The following FRMD3 variants were observed in gnomAD, a reference collection of about 807,000 sequenced individuals.
FRMD3 encodes FERM domain-containing protein 3.
FRMD3 carries 33 observed loss-of-function variants against 70.2 expected under a neutral mutation model. The observed-to-expected ratio is 0.47, with a 90% confidence interval of 0.36 to 0.63. The LOEUF is 0.63. Among genes scored for constraint, FRMD3 ranks in the 20% least tolerant of loss-of-function variants. FRMD3 has a pLI of 0.00. For synonymous variants in FRMD3, 279 were observed against 255.9 expected, an observed-to-expected ratio of 1.09 and a Z score of -0.86; for missense variants, 632 against 711.4, an observed-to-expected ratio of 0.89 and a Z score of 1.27.
At chr9:83,403,975 G>A (rs1826026384) in intron 1 of FRMD3, among the ~76,000 whole-genome samples, 2 of 152,124 alleles carry the variant, frequency 1.3e-5, no homozygotes, top group African/African-American at 4.8e-5. Flanking sequence ...AAGGTTCCCA[G>A]TAGTCAGGCA....
Position 83,427,386 on chromosome 9 carries a change from T to C in FRMD3, c.148-37678A>G, listed in dbSNP as rs138245722. On this transcript the variant is annotated intron_variant, in intron 1 of 13. Coordinates refer to ENST00000304195, the MANE Select transcript of FRMD3 (RefSeq NM_174938.6). ...CTCCATGTGCTCTTTATAGAGGTTG[T>C]TCAGGTCACACATCCCTTAGGGGAC... Among the ~76,000 whole-genome samples the C allele has an allele frequency of 5.2e-3, 793 of 152,332 alleles. 8 individuals are homozygous for C. Among genetic ancestry groups the C allele is most frequent in the South Asian group, 0.028 (133 of 4,832 alleles).
Position 83,500,502 on chromosome 9 carries a change from G to GCGCACACACA in FRMD3, c.147+37582_147+37583insTGTGTGTGCG, listed in dbSNP as rs1367435493. ...CATAGAGTGCTTGGCGTGTATGCGC[G>GCGCACACACA]CACACACACACACACACACACACAC... is the stretch of plus-strand genomic sequence containing the variant. On this transcript the variant is annotated intron_variant, in intron 1 of 13. Coordinates refer to ENST00000304195, the MANE Select transcript of FRMD3 (RefSeq NM_174938.6). Among the ~76,000 whole-genome samples the GCGCACACACA allele has an allele frequency of 1.2e-3, 171 of 143,812 alleles. 2 individuals carry two copies. The highest frequency in any genetic ancestry group is 4.3e-3 in the African/African-American group (167 of 39,110). The allele number at this position is 143,812 out of a possible 152,430, so 94.3% of individuals were successfully genotyped here.
chr9:83,335,192 T>C (rs1823535667), intron 6 of FRMD3, among the ~76,000 whole-genome samples: 1 of 152,160 alleles, frequency 6.6e-6, no homozygotes, highest in Admixed American at 6.5e-5. Flanking sequence ...AAAATTCAAA[T>C]CAGAAAGGTT....
intron 1 of FRMD3, among the ~76,000 whole-genome samples, chr9:83,519,890 C>T (rs112703305): frequency 4.0e-4 from 61 of 151,930 alleles, no homozygotes; most frequent in Admixed American, 2.3e-3. Flanking sequence ...AATTAACACA[C>T]GAACAGAAAA....
chr9:83,398,662 T>C (rs550053545), intron 1 of FRMD3, among the ~76,000 whole-genome samples: 3 of 152,222 alleles, frequency 2.0e-5, no homozygotes, highest in Admixed American at 1.3e-4. Flanking sequence ...ATAATAATAA[T>C]AAAATTTTTA....
At chr9:83,530,681 T>C (rs1413206879) in intron 1 of FRMD3, among the ~76,000 whole-genome samples, 1 of 152,132 alleles carries the variant, frequency 6.6e-6, no homozygotes, top group East Asian at 1.9e-4. Flanking sequence ...GCAAACAATA[T>C]CTTAGTATTA....
At chr9:83,270,518 G>A (rs1405105881) in intron 13 of FRMD3, among the ~76,000 whole-genome samples, 1 of 152,216 alleles carries the variant, frequency 6.6e-6, no homozygotes, top group Non-Finnish European at 1.5e-5. Flanking sequence ...TTATGACAAG[G>A]AAATGAGAGA....
intron 3 of FRMD3, among the ~76,000 whole-genome samples, chr9:83,361,324 G>A (rs1047864126): frequency 1.3e-5 from 2 of 152,182 alleles, no homozygotes; most frequent in African/African-American, 4.8e-5. Context: ...TCAATAACAT[G>A]CATAACATTT....
At chr9:83,309,684 GGTTT>G in intron 9 of FRMD3, 60 bp from the exon 10 acceptor site, 1 of 1,098,362 alleles carries the variant, frequency 9.1e-7, no homozygotes, top group Non-Finnish European at 1.3e-6. Flanking sequence ...ATTTTCCATG[GGTTT>G]TTTTTTTTCA....
At chr9:83,479,706 A>AAGAGAAAGAAAG (rs773650177) in intron 1 of FRMD3, among the ~76,000 whole-genome samples, 1 of 81,602 alleles carries the variant, frequency 1.2e-5, no homozygotes, top group Non-Finnish European at 2.4e-5. Flanking sequence ...GAAAGAAAGA[A>AAGAGAAAGAAAG]AGAAAGAAAG....
chr9:83,580,367 G>A, the FRMD3 span, among the ~76,000 whole-genome samples: 2 of 152,104 alleles, frequency 1.3e-5, no homozygotes, highest in African/African-American at 4.8e-5. Flanking sequence ...GAATCAACCT[G>A]TGTTCACTAA....
chr9:83,482,851 C>T (rs1010446945), intron 1 of FRMD3, among the ~76,000 whole-genome samples: 1 of 152,100 alleles, frequency 6.6e-6, no homozygotes, highest in African/African-American at 2.4e-5. Flanking sequence ...CCAAAGAATC[C>T]GGGCATGAAC....
chr9:83,450,395 ATGTGCACAT>A (rs998437603), intron 1 of FRMD3, among the ~76,000 whole-genome samples: 1 of 137,586 alleles, frequency 7.3e-6, no homozygotes, highest in Non-Finnish European at 1.5e-5. Flanking sequence ...TTTAGGGTAC[ATGTGCACAT>A]TGTGCAGGTT....
chr9:83,489,359 T>G (rs1049197099), intron 1 of FRMD3, among the ~76,000 whole-genome samples: 3 of 152,058 alleles, frequency 2.0e-5, no homozygotes, highest in African/African-American at 7.3e-5. Flanking sequence ...ACTATGCATC[T>G]GACAAAGACC....
At chr9:83,551,898 A>T in the FRMD3 span, among the ~76,000 whole-genome samples, 1 of 143,660 alleles carries the variant, frequency 7.0e-6, no homozygotes, top group Non-Finnish European at 1.5e-5. Context: ...GGCCTATTTC[A>T]TTGATTTTTT....
At chr9:83,483,495 CACT>C (rs1828616322) in intron 1 of FRMD3, among the ~76,000 whole-genome samples, 2 of 152,194 alleles carry the variant, frequency 1.3e-5, no homozygotes, top group South Asian at 4.1e-4. Flanking sequence ...CTATCTACAC[CACT>C]GATTAAATCC....
intron 12 of FRMD3, among the ~76,000 whole-genome samples, chr9:83,292,027 T>C (rs930735748): frequency 2.0e-5 from 3 of 152,164 alleles, no homozygotes; most frequent in African/African-American, 7.2e-5. Flanking sequence ...TTTACAGCCA[T>C]TTACTCTGCA....
chr9:83,290,824 G>C, intron 12 of FRMD3, 97 bp from the exon 13 acceptor site: 1 of 1,259,836 alleles, frequency 7.9e-7, no homozygotes, highest in African/African-American at 1.5e-5. Context: ...TGTGTCTACA[G>C]GGAACTACCT....
chr9:83,411,520 A>G (rs1220489312), intron 1 of FRMD3, among the ~76,000 whole-genome samples: 1 of 152,216 alleles, frequency 6.6e-6, no homozygotes, highest in Non-Finnish European at 1.5e-5. Context: ...GAAAGAAGGG[A>G]GGAGGTCCTC....
Sources: gnomAD v4.1 joint callset for allele counts (sites outside exome capture counted in the v4.1 genomes callset) on GRCh38, gnomAD v4.1.1 for gene constraint, MANE v1.5 for transcripts, NCBI Gene and HGNC (gene_info 2026-07-23, HGNC 2026-07-21) for gene names.